Variants in LAPTM4B observed in about 807,000 individuals in gnomAD.
LAPTM4B encodes lysosomal protein transmembrane 4 beta, also known as lysosomal-associated transmembrane protein 4B.
A neutral mutation model predicts 28.5 loss-of-function variants in LAPTM4B; 26 were observed. The observed-to-expected ratio is 0.91, with a 90% confidence interval of 0.67 to 1.27. The LOEUF (loss-of-function observed/expected upper bound fraction) is 1.27, where lower values mean the gene tolerates loss of function less well. Ranked by LOEUF, LAPTM4B falls within the 50% of genes most tolerant of loss-of-function variation. The pLI is 0.00. For synonymous variants in LAPTM4B, 109 were observed against 106.4 expected (o/e 1.02, Z -0.15); for missense variants, 288 against 285.8 (o/e 1.01, Z -0.06).
At position 97,851,846 on chromosome 8, in the gene LAPTM4B, A is replaced by G; in HGVS notation, c.*372A>G. The G allele has an allele frequency of 4.7e-6, 1 of 213,392 alleles. No homozygotes were observed. The highest frequency in any genetic ancestry group is 9.2e-6 in the Non-Finnish European group (1 of 108,146). The allele number at this position is 213,392 out of a possible 1,614,324, so 13.2% of individuals were successfully genotyped here. A position where few individuals can be genotyped will look rare whatever the true frequency, so the allele number is the denominator to read the frequency against. Reference sequence around the variant, plus strand: ...TTGAAAATGTAAAATAAAACCAAAAATAGACAACTTTTTCTTCAGCCATTC... The same window carrying G: ...TTGAAAATGTAAAATAAAACCAAAAGTAGACAACTTTTTCTTCAGCCATTC... On this transcript the variant is annotated 3_prime_UTR_variant, in exon 7 of 7. Coordinates refer to ENST00000521545, the MANE Select transcript of LAPTM4B (RefSeq NM_018407.6).
chr8:97,800,849 C>T lies in LAPTM4B; in HGVS notation c.100-4504C>T, dbSNP rs537077564. ...AAATACAAAGTCAGGTGGTGGCTCG[C>T]GCATTTAATCCCAGGACTTCGGGAG... On this transcript the variant is annotated intron_variant, in intron 1 of 6. Coordinates refer to ENST00000521545, the MANE Select transcript of LAPTM4B (RefSeq NM_018407.6). Among the ~76,000 whole-genome samples the T allele has an allele frequency of 9.9e-4, 151 of 152,122 alleles. 1 individual carries two copies. In the South Asian group the frequency reaches 0.018, roughly 18 times the overall value.
At chr8:97,822,741 T>TG (rs1052442940) in intron 5 of LAPTM4B, among the ~76,000 whole-genome samples, 1 of 152,140 alleles carries the variant, frequency 6.6e-6, no homozygotes, top group Non-Finnish European at 1.5e-5. Context: ...TATATATTTA[T>TG]GGGGTATATG....
chr8:97,832,858 C>T (rs554647058), intron 6 of LAPTM4B, among the ~76,000 whole-genome samples: 10 of 149,800 alleles, frequency 6.7e-5, no homozygotes, highest in South Asian at 6.3e-4. Flanking sequence ...AGGTGCGCAC[C>T]GCCACGCCTG....
chr8:97,851,366 A>G, intron 6 of LAPTM4B, 31 bp from the exon 7 acceptor site: 1 of 1,541,840 alleles, frequency 6.5e-7, no homozygotes, highest in South Asian at 1.1e-5. Flanking sequence ...CTCTTCAAAC[A>G]TTAACTCTTG....
intron 6 of LAPTM4B, among the ~76,000 whole-genome samples, chr8:97,826,547 C>T (rs1011747622): frequency 1.5e-4 from 8 of 54,868 alleles, no homozygotes; most frequent in Admixed American, 3.3e-4. Context: ...TTTTTTTGTT[C>T]GCCCAGGCTG....
chr8:97,836,474 C>T (rs1442961699), intron 6 of LAPTM4B, among the ~76,000 whole-genome samples: 1 of 152,100 alleles, frequency 6.6e-6, no homozygotes, highest in Non-Finnish European at 1.5e-5. Context: ...AGCTACTGTG[C>T]CCGGCCATAA....
intron 1 of LAPTM4B, among the ~76,000 whole-genome samples, chr8:97,785,513 C>T (rs1160915260): frequency 6.6e-6 from 1 of 152,166 alleles, no homozygotes; most frequent in East Asian, 1.9e-4. Flanking sequence ...GAAGCTGAGG[C>T]AAAATTAATG....
chr8:97,811,335 A>T (rs1198835156), intron 2 of LAPTM4B, among the ~76,000 whole-genome samples: 1 of 152,198 alleles, frequency 6.6e-6, no homozygotes, highest in Non-Finnish European at 1.5e-5. Flanking sequence ...TCAGCCATGT[A>T]TAAAAATGGT....
intron 2 of LAPTM4B, among the ~76,000 whole-genome samples, chr8:97,807,887 TAAAAAAA>T (rs58830867): frequency 6.4e-5 from 9 of 139,970 alleles, no homozygotes; most frequent in African/African-American, 8.1e-5. Context: ...AGAGATAACT[TAAAAAAA>T]AAAAAAAAAA....
At chr8:97,776,650 T>TG (rs1023602248) in intron 1 of LAPTM4B, among the ~76,000 whole-genome samples, 1 of 152,032 alleles carries the variant, frequency 6.6e-6, no homozygotes, top group Non-Finnish European at 1.5e-5. Flanking sequence ...GATCCCGAGT[T>TG]GAAGTGGTTG....
intron 6 of LAPTM4B, among the ~76,000 whole-genome samples, chr8:97,839,927 G>A (rs1236635866): frequency 6.6e-6 from 1 of 152,200 alleles, no homozygotes; most frequent in Non-Finnish European, 1.5e-5. Flanking sequence ...AGTAGGGGAG[G>A]CAGGTGAAAT....
intron 2 of LAPTM4B, among the ~76,000 whole-genome samples, chr8:97,810,514 A>G (rs1029953497): frequency 2.0e-5 from 3 of 152,342 alleles, no homozygotes; most frequent in African/African-American, 7.2e-5. Context: ...TAACTTTCCT[A>G]TATGTCTAAA....
chr8:97,800,484 CTTTTTTTTTTTT>C (rs546425169), intron 1 of LAPTM4B, among the ~76,000 whole-genome samples: 24 of 69,326 alleles, frequency 3.5e-4, no homozygotes, highest in African/African-American at 1.5e-3. Context: ...CCCTTGACCT[CTTTTTTTTTTTT>C]TTTTTTTTTT....
At chr8:97,846,986 G>A (rs922397535) in intron 6 of LAPTM4B, among the ~76,000 whole-genome samples, 2 of 152,188 alleles carry the variant, frequency 1.3e-5, no homozygotes, top group South Asian at 4.1e-4. Flanking sequence ...TGATGTAGCT[G>A]AGAAGAATGA....
chr8:97,780,583 T>C (rs1022418272), intron 1 of LAPTM4B, among the ~76,000 whole-genome samples: 4 of 152,214 alleles, frequency 2.6e-5, no homozygotes, highest in African/African-American at 9.6e-5. Flanking sequence ...AAGTGTCATG[T>C]ACTTTACTAG....
chr8:97,808,287 A>G (rs893889288), intron 2 of LAPTM4B, among the ~76,000 whole-genome samples: 7 of 151,794 alleles, frequency 4.6e-5, no homozygotes, highest in Non-Finnish European at 1.0e-4. Context: ...CATCTCTACT[A>G]AAAACACAAA....
intron 1 of LAPTM4B, among the ~76,000 whole-genome samples, chr8:97,800,202 G>A (rs556225686): frequency 2.6e-5 from 4 of 152,256 alleles, no homozygotes; most frequent in Non-Finnish European, 2.9e-5. Context: ...TAGACTCCAC[G>A]GGGGAATAAT....
rs1481787489 is a variant in LAPTM4B, at chr8:97,791,445, A to G, written c.100-13908A>G. Among the ~76,000 whole-genome samples the G allele has an allele frequency of 2.0e-5, 3 of 152,072 alleles. No individual in the cohort carries two copies. In the East Asian group the frequency reaches 5.8e-4, roughly 29 times the overall value. ...GACATCCTTCTTGTTAATTACGTGC[A>G]CCCTGTGTTCTTTGAGTACGTAATG... On this transcript the variant is annotated intron_variant, in intron 1 of 6. Coordinates refer to ENST00000521545, the MANE Select transcript of LAPTM4B (RefSeq NM_018407.6).
At chr8:97,843,512 T>G (rs1252187924) in intron 6 of LAPTM4B, among the ~76,000 whole-genome samples, 1 of 152,158 alleles carries the variant, frequency 6.6e-6, no homozygotes, top group Non-Finnish European at 1.5e-5. Context: ...GCACAGTGGC[T>G]CACACCTGTA....
Sources: gnomAD v4.1 joint callset for allele counts (sites outside exome capture counted in the v4.1 genomes callset) on GRCh38, gnomAD v4.1.1 for gene constraint, MANE v1.5 for transcripts, NCBI Gene and HGNC (gene_info 2026-07-23, HGNC 2026-07-21) for gene names.